KCNH7: variants seen among roughly 807,000 people sequenced by gnomAD.
KCNH7 encodes voltage-gated inwardly rectifying potassium channel KCNH7.
KCNH7 carries 49 observed loss-of-function variants against 120.8 expected under a neutral mutation model. The observed-to-expected ratio is 0.41, with a 90% CI of 0.32 to 0.51. The LOEUF (loss-of-function observed/expected upper bound fraction) is 0.51, where lower values mean the gene tolerates loss of function less well. Ranked by LOEUF, KCNH7 falls within the 20% of genes least tolerant of loss-of-function variation. The pLI, the probability that KCNH7 is intolerant of heterozygous loss-of-function variation, is 0.38. For missense variants in KCNH7, 1,097 were observed against 1,446.6 expected, an observed-to-expected ratio of 0.76 and a Z score of 3.92; for synonymous variants, 547 against 516.1, an observed-to-expected ratio of 1.06 and a Z score of -0.81.
chr2:162,755,837 A>G (rs1205806410), intron 2 of KCNH7, among the ~76,000 whole-genome samples: 2 of 152,194 alleles, frequency 1.3e-5, no homozygotes, highest in Non-Finnish European at 2.9e-5. Context: ...TCATTGGCAT[A>G]TACTTGGTAC....
chr2:162,741,339 A>G (rs1040752801), intron 2 of KCNH7, among the ~76,000 whole-genome samples: 4 of 150,202 alleles, frequency 2.7e-5, no homozygotes, highest in Non-Finnish European at 4.4e-5. Flanking sequence ...ATATGTTATT[A>G]ATTATACATA....
intron 2 of KCNH7, among the ~76,000 whole-genome samples, chr2:162,588,612 T>C (rs1694101131): frequency 6.6e-6 from 1 of 152,130 alleles, no homozygotes; most frequent in Non-Finnish European, 1.5e-5. Context: ...TTATTTTTAA[T>C]GACACATAAT....
At chr2:162,742,821 C>G (rs1688184563) in intron 2 of KCNH7, among the ~76,000 whole-genome samples, 3 of 152,072 alleles carry the variant, frequency 2.0e-5, no homozygotes, top group Non-Finnish European at 4.4e-5. Flanking sequence ...GCTCTTGTGA[C>G]AAAAATTAGA....
chr2:162,456,534 C>T (rs1233711262), intron 6 of KCNH7, among the ~76,000 whole-genome samples: 1 of 151,970 alleles, frequency 6.6e-6, no homozygotes, highest in African/African-American at 2.4e-5. Flanking sequence ...ACTTGATCCA[C>T]AGCTGAGTTC....
At chr2:162,616,502 C>T (rs1683144977) in intron 2 of KCNH7, among the ~76,000 whole-genome samples, 2 of 152,180 alleles carry the variant, frequency 1.3e-5, no homozygotes, top group South Asian at 2.1e-4. Context: ...TTTTAACTTT[C>T]TGGGTCTTTG....
chr2:162,535,327 A>G (rs1326645793), intron 3 of KCNH7, among the ~76,000 whole-genome samples: 1 of 151,838 alleles, frequency 6.6e-6, no homozygotes, highest in Non-Finnish European at 1.5e-5. Flanking sequence ...TATTTGAAAA[A>G]TTAATAAAAG....
At chr2:162,676,623 A>G (rs1299777770) in intron 2 of KCNH7, among the ~76,000 whole-genome samples, 1 of 151,536 alleles carries the variant, frequency 6.6e-6, no homozygotes, top group African/African-American at 2.4e-5. Context: ...GAGATGCACA[A>G]CTGTCAGAGT....
chr2:162,619,375 C>A (rs1388595537), intron 2 of KCNH7, among the ~76,000 whole-genome samples: 5 of 151,678 alleles, frequency 3.3e-5, no homozygotes, highest in Admixed American at 6.6e-5. Context: ...CTGAAAAGTT[C>A]TTTAAGATGT....
intron 2 of KCNH7, among the ~76,000 whole-genome samples, chr2:162,818,838 A>G (rs1685004291): frequency 6.6e-6 from 1 of 152,210 alleles, no homozygotes; most frequent in African/African-American, 2.4e-5. Context: ...CATGTAAAAC[A>G]TGGCACGGCA....
chr2:162,733,646 A>G (rs1174278455), intron 2 of KCNH7, among the ~76,000 whole-genome samples: 3 of 152,204 alleles, frequency 2.0e-5, no homozygotes, highest in African/African-American at 7.2e-5. Flanking sequence ...ATCATTTTCC[A>G]TCACAGCAGA....
intron 2 of KCNH7, among the ~76,000 whole-genome samples, chr2:162,575,908 A>G (rs1019299516): frequency 1.3e-5 from 2 of 152,098 alleles, no homozygotes; most frequent in Non-Finnish European, 2.9e-5. Flanking sequence ...TAAACCAAAC[A>G]GTTTATTATT....
At chr2:162,806,437 C>T (rs1048035666) in intron 2 of KCNH7, among the ~76,000 whole-genome samples, 1 of 152,002 alleles carries the variant, frequency 6.6e-6, no homozygotes, top group Non-Finnish European at 1.5e-5. Context: ...TAGTAAATGC[C>T]TTTGAATGAT....
Position 162,759,747 on chromosome 2 carries a change from G to GA in KCNH7, c.307+76789dup, listed in dbSNP as rs567743651. 8.6e-4 allele frequency among the ~76,000 whole-genome samples: 130 copies of GA among 151,856 alleles called. 1 individual carries two copies. Among genetic ancestry groups the GA allele is most frequent in the East Asian group, 5.8e-3 (30 of 5,164 alleles). On this transcript the variant is annotated intron_variant, in intron 2 of 15. Transcript: ENST00000332142. ...AGGAAGAGAGGAAAGAGTAGAAAAA[G>GA]AAAAAATATCCAGAGAACAAAAGCT...
chr2:162,401,282 T>A (rs1331377886), intron 9 of KCNH7, among the ~76,000 whole-genome samples: 1 of 151,962 alleles, frequency 6.6e-6, no homozygotes, highest in African/African-American at 2.4e-5. Flanking sequence ...TCAAAGGCAT[T>A]CAACTCTTGC....
chr2:162,401,383 A>T (rs977757541), intron 9 of KCNH7, among the ~76,000 whole-genome samples: 2 of 151,912 alleles, frequency 1.3e-5, no homozygotes, highest in Non-Finnish European at 2.9e-5. Context: ...TCATTTAAAT[A>T]CACTTTGAGG....
chr2:162,479,846 C>A (rs1000497035), intron 6 of KCNH7, among the ~76,000 whole-genome samples: 3 of 151,930 alleles, frequency 2.0e-5, no homozygotes, highest in Non-Finnish European at 4.4e-5. Context: ...TTCATTAATC[C>A]CTGCCTTTTA....
At chr2:162,378,324 C>G (rs891968653) in intron 14 of KCNH7, among the ~76,000 whole-genome samples, 1 of 152,136 alleles carries the variant, frequency 6.6e-6, no homozygotes, top group Non-Finnish European at 1.5e-5. Flanking sequence ...AGACTTAAGA[C>G]CTTTTCCTAT....
chr2:162,706,630 T>C (rs896989509), intron 2 of KCNH7, among the ~76,000 whole-genome samples: 11 of 152,154 alleles, frequency 7.2e-5, no homozygotes, highest in Non-Finnish European at 1.5e-4. Flanking sequence ...CAAAAAATAC[T>C]AACTGGTGCT....
intron 2 of KCNH7, among the ~76,000 whole-genome samples, chr2:162,802,252 CAA>C (rs1684378696): frequency 6.6e-6 from 1 of 151,704 alleles, no homozygotes; most frequent in African/African-American, 2.4e-5. Flanking sequence ...CAAATATGAT[CAA>C]AGTTTCCAAT....
Sources: gnomAD v4.1 joint callset for allele counts (sites outside exome capture counted in the v4.1 genomes callset) on GRCh38, gnomAD v4.1.1 for gene constraint, MANE v1.5 for transcripts, NCBI Gene and HGNC (gene_info 2026-07-23, HGNC 2026-07-21) for gene names.